Variants in AVEN observed in about 807,000 individuals in gnomAD.
AVEN encodes the protein apoptosis and caspase activation inhibitor.
AVEN carries 41 observed loss-of-function variants against 38.1 expected under a neutral mutation model. That is an observed-to-expected ratio of 1.08 (90% CI 0.84 to 1.40). AVEN has a LOEUF of 1.40. Ranked by LOEUF, AVEN falls within the 40% of genes most tolerant of loss-of-function variation. The probability of loss-of-function intolerance (pLI) is 0.00; values close to 1 mark genes in which losing one functional copy is unlikely to be tolerated. For synonymous variants in AVEN, 206 were observed against 171.8 expected, an observed-to-expected ratio of 1.20 and a Z score of -1.56; for missense variants, 605 against 438.8, an observed-to-expected ratio of 1.38 and a Z score of -3.38.
At chr15:34,055,782 C>T (rs76222469) in intron 5 of AVEN, among the ~76,000 whole-genome samples, 3,258 of 151,990 alleles carry the variant, frequency 0.021, 91 homozygotes, top group African/African-American at 0.053. Context: ...GCCTGGGCGA[C>T]GGAGCAAGAC....
chr15:33,978,653 ACT>A (rs1180505704), intron 2 of AVEN, among the ~76,000 whole-genome samples: 1 of 151,970 alleles, frequency 6.6e-6, no homozygotes, highest in African/African-American at 2.4e-5. Context: ...ACAGAGTGAG[ACT>A]CTGTTTCAAA....
intron 2 of AVEN, among the ~76,000 whole-genome samples, chr15:33,913,685 T>A (rs1415446084): frequency 6.6e-6 from 1 of 152,184 alleles, no homozygotes; most frequent in Non-Finnish European, 1.5e-5. Context: ...CTCTGAGTCA[T>A]AATCAAATGA....
chr15:33,884,863 C>T (rs1426342911), intron 2 of AVEN, among the ~76,000 whole-genome samples: 1 of 152,114 alleles, frequency 6.6e-6, no homozygotes, highest in Non-Finnish European at 1.5e-5. Flanking sequence ...AAGCCTACCA[C>T]CCAATTCTGA....
At chr15:34,031,584 C>T (rs1043030300) in intron 1 of AVEN, among the ~76,000 whole-genome samples, 3 of 152,120 alleles carry the variant, frequency 2.0e-5, no homozygotes, top group African/African-American at 7.2e-5. Flanking sequence ...CAAGAGGACT[C>T]AAAGGTAGAA....
At chr15:34,021,819 CA>C (rs1898213889) in intron 1 of AVEN, among the ~76,000 whole-genome samples, 1 of 152,102 alleles carries the variant, frequency 6.6e-6, no homozygotes, top group Admixed American at 6.5e-5. Context: ...TGCGCCACTG[CA>C]CTCCAGCCTG....
intron 2 of AVEN, among the ~76,000 whole-genome samples, chr15:33,913,846 GA>G (rs1384662823): frequency 6.6e-6 from 1 of 152,146 alleles, no homozygotes. Context: ...CTTGGTTAAG[GA>G]TATCTCAACA....
In AVEN at chr15:34,027,401, C is replaced by T. The variant is rs190952079; in HGVS notation, c.267+11379G>A. Among the ~76,000 whole-genome samples the T allele has an allele frequency of 2.4e-3, 366 of 151,958 alleles. 2 individuals are homozygous for T. The highest frequency in any genetic ancestry group is 7.2e-3 in the Admixed American group (110 of 15,252). On this transcript the variant is annotated intron_variant, in intron 1 of 5. Transcript: ENST00000306730. The stretch of plus-strand genomic sequence containing the variant: ...AAAAACAGCCAGGCGTGTTGGTGGG[C>T]ACCTGTAATCCCAGCTACACAGGAG...
chr15:33,997,507 T>C (rs1896982938), intron 2 of AVEN, among the ~76,000 whole-genome samples: 1 of 152,168 alleles, frequency 6.6e-6, no homozygotes, highest in Non-Finnish European at 1.5e-5. Flanking sequence ...TATATAAGAC[T>C]ATATCATTAC....
intron 2 of AVEN, among the ~76,000 whole-genome samples, chr15:33,898,506 CCT>C (rs1184312124): frequency 5.3e-5 from 8 of 152,152 alleles, no homozygotes; most frequent in Non-Finnish European, 2.9e-5. Context: ...GCTAGCAACC[CCT>C]GACATTCCAG....
intron 1 of AVEN, among the ~76,000 whole-genome samples, chr15:34,031,331 T>C (rs1015097015): frequency 6.6e-6 from 1 of 152,040 alleles, no homozygotes; most frequent in African/African-American, 2.4e-5. Flanking sequence ...CATGCCACCA[T>C]GCCTGGCTAA....
chr15:33,867,482 A>T lies in AVEN; in HGVS notation c.973+13T>A. The T allele has an allele frequency of 6.5e-7, 1 of 1,547,034 alleles. No individual in the cohort carries two copies. Among genetic ancestry groups the T allele is most frequent in the Non-Finnish European group, 8.7e-7 (1 of 1,151,798 alleles). On this transcript the variant is annotated intron_variant, in intron 5 of 5. Coordinates refer to ENST00000306730, the MANE Select transcript of AVEN (RefSeq NM_020371.3). ...AGAATCAAGATTCACGGGGAATAAA[A>T]TGAAAGCCATACCTTCTTCCTCTTG... is the stretch of plus-strand genomic sequence containing the variant.
At chr15:34,056,554 TG>T (rs1235361497) in intron 5 of AVEN, among the ~76,000 whole-genome samples, 3 of 152,196 alleles carry the variant, frequency 2.0e-5, no homozygotes, top group Non-Finnish European at 1.5e-5. Flanking sequence ...ACATACTACA[TG>T]GTATTTTCTC....
At chr15:33,995,204 C>A (rs773885768) in intron 2 of AVEN, among the ~76,000 whole-genome samples, 7 of 152,092 alleles carry the variant, frequency 4.6e-5, no homozygotes, top group African/African-American at 7.2e-5. Context: ...GTCAAGGCTG[C>A]AGTGAGCTAT....
intron 2 of AVEN, among the ~76,000 whole-genome samples, chr15:33,937,004 G>C (rs1178321538): frequency 6.6e-6 from 1 of 151,548 alleles, no homozygotes; most frequent in Non-Finnish European, 1.5e-5. Context: ...GGTGGCGGGC[G>C]CCTGTAGTCC....
intron 1 of AVEN, among the ~76,000 whole-genome samples, chr15:34,021,519 A>G (rs531944700): frequency 9.2e-5 from 14 of 152,202 alleles, no homozygotes; most frequent in African/African-American, 3.1e-4. Context: ...TCCTGACCTC[A>G]GGTGAGCCAC....
At chr15:33,914,462 A>G (rs1417757050) in intron 2 of AVEN, among the ~76,000 whole-genome samples, 1 of 152,006 alleles carries the variant, frequency 6.6e-6, no homozygotes, top group Non-Finnish European at 1.5e-5. Flanking sequence ...CAATTTGGAG[A>G]AAGATAAAAT....
At chr15:33,896,989 A>C (rs932793598) in intron 2 of AVEN, among the ~76,000 whole-genome samples, 2 of 152,340 alleles carry the variant, frequency 1.3e-5, no homozygotes, top group South Asian at 4.1e-4. Flanking sequence ...AGTAGTAAAA[A>C]GGAACAGACT....
At chr15:33,990,437 G>A (rs1597320943) in intron 2 of AVEN, among the ~76,000 whole-genome samples, 1 of 152,214 alleles carries the variant, frequency 6.6e-6, no homozygotes, top group Middle Eastern at 3.4e-3. Context: ...GATGCAGCCA[G>A]TTGTCTAACT....
At chr15:34,074,823 A>G (rs183324401) in exon 1 of AVEN, among the ~76,000 whole-genome samples, 1 of 152,298 alleles carries the variant, frequency 6.6e-6, no homozygotes, top group African/African-American at 2.4e-5. Flanking sequence ...ATAACCAAGC[A>G]AGAAAAACAC....
Sources: gnomAD v4.1 joint callset for allele counts (sites outside exome capture counted in the v4.1 genomes callset) on GRCh38, gnomAD v4.1.1 for gene constraint, MANE v1.5 for transcripts, NCBI Gene and HGNC (gene_info 2026-07-23, HGNC 2026-07-21) for gene names.